Variants in PKHD1 observed in about 807,000 individuals in gnomAD.
PKHD1 encodes the protein PKHD1 ciliary IPT domain containing fibrocystin/polyductin, also known as fibrocystin.
PKHD1 carries 291 observed loss-of-function variants against 412.0 expected under a neutral mutation model. The ratio of observed to expected loss-of-function variants is 0.71; its 90% CI spans 0.64 to 0.78. The LOEUF (loss-of-function observed/expected upper bound fraction) is 0.78, where lower values mean the gene tolerates loss of function less well. Ranked by LOEUF, PKHD1 falls within the 30% of genes least tolerant of loss-of-function variation. The pLI is 0.00. For missense variants in PKHD1, 4,825 were observed against 4,950.7 expected, an observed-to-expected ratio of 0.97 and a Z score of 0.76; for synonymous variants, 1,777 against 1,821.5, an observed-to-expected ratio of 0.98 and a Z score of 0.62.
chr6:51,900,258 T>C (rs2127605964), intron 43 of PKHD1, among the ~76,000 whole-genome samples: 1 of 152,318 alleles, frequency 6.6e-6, no homozygotes, highest in African/African-American at 2.4e-5. Flanking sequence ...TCACCCTACC[T>C]GACTTCAAAC....
intron 33 of PKHD1, among the ~76,000 whole-genome samples, chr6:52,020,966 CGG>C (rs1801314906): frequency 6.6e-6 from 1 of 151,992 alleles, no homozygotes; most frequent in Non-Finnish European, 1.5e-5. Flanking sequence ...CCAGTTTCAG[CGG>C]GTTAACAGAA....
At chr6:51,636,420 G>A (rs9918312) in intron 64 of PKHD1, among the ~76,000 whole-genome samples, 44,682 of 151,820 alleles carry the variant, frequency 0.29, 6,595 homozygotes, top group Middle Eastern at 0.31. Context: ...TGGCACACAC[G>A]TCTGTAGTCC....
intron 59 of PKHD1, 60 bp from the exon 60 acceptor site, chr6:51,744,602 T>C: frequency 1.5e-6 from 2 of 1,302,338 alleles, no homozygotes; most frequent in Non-Finnish European, 2.2e-6. Flanking sequence ...GAAGAAAATA[T>C]ACATTGGTAG....
chr6:51,685,064 A>G (rs1777230792), intron 60 of PKHD1, among the ~76,000 whole-genome samples: 1 of 152,154 alleles, frequency 6.6e-6, no homozygotes, highest in Non-Finnish European at 1.5e-5. Context: ...CCTGAAATAC[A>G]TGATTTTCCA....
chr6:51,852,723 G>A (rs879083005), intron 49 of PKHD1, among the ~76,000 whole-genome samples: 1 of 145,172 alleles, frequency 6.9e-6, no homozygotes. Flanking sequence ...GACTAGGATT[G>A]CAAACCCTGT....
At position 52,058,599 on chromosome 6, in the gene PKHD1, C is replaced by G; in HGVS notation, c.1236G>C (p.Val412=). The stretch of plus-strand genomic sequence containing the variant: ...TGCCGACGCTGATGGAGGCCACTTT[C>G]ACCTATGCCCAAATAAGCATATCAT... ...FSWSEEPRTK[V]KVASISVGTA... Residue 412 remains valine, a splice_region_variant and synonymous_variant, in exon 16 of 67, where the codon GTG becomes GTC. Coordinates refer to ENST00000371117, the MANE Select transcript of PKHD1 (RefSeq NM_138694.4). 1.2e-6 allele frequency: 2 copies of G among 1,613,912 alleles called. No individual in the cohort carries two copies. Among genetic ancestry groups the G allele is most frequent in the Middle Eastern group, 1.6e-4 (1 of 6,062 alleles).
In PKHD1 at chr6:52,065,058, G is replaced by C; in HGVS notation, c.881-8C>G. 6.6e-7 allele frequency: 1 copy of C among 1,507,478 alleles called. No individual in the cohort carries two copies. The highest frequency in any genetic ancestry group is 9.1e-7 in the Non-Finnish European group (1 of 1,102,564). 93.4% of individuals were successfully genotyped at this position (1,507,478 alleles called of 1,614,324 possible). A position where few individuals can be genotyped will look rare whatever the true frequency, so the allele number is the denominator to read the frequency against. On this transcript the variant is annotated splice_region_variant and splice_polypyrimidine_tract_variant and intron_variant, in intron 12 of 66. Transcript: ENST00000371117. ...TAATATCACATGGAATGCCTAAAGC[G>C]AATTAAAGAAATTTATGTATGTGTG...
intron 52 of PKHD1, among the ~76,000 whole-genome samples, chr6:51,828,721 AC>A (rs1767746379): frequency 6.6e-6 from 1 of 152,206 alleles, no homozygotes; most frequent in African/African-American, 2.4e-5. Context: ...AATGAAAGAA[AC>A]AAGGGGAGCC....
At chr6:51,981,123 A>G (rs372190913) in intron 35 of PKHD1, among the ~76,000 whole-genome samples, 3 of 151,998 alleles carry the variant, frequency 2.0e-5, no homozygotes, top group African/African-American at 7.2e-5. Context: ...AGGAATCACT[A>G]TAAACCCTCA....
chr6:51,855,410 C>CT (rs1773105732), intron 49 of PKHD1, among the ~76,000 whole-genome samples: 1 of 151,994 alleles, frequency 6.6e-6, no homozygotes, highest in African/African-American at 2.4e-5. Flanking sequence ...ATTTGTCTCC[C>CT]TTAACCCAAT....
chr6:52,077,777 T>C (rs576552283), intron 5 of PKHD1, among the ~76,000 whole-genome samples: 2 of 152,148 alleles, frequency 1.3e-5, no homozygotes, highest in Non-Finnish European at 2.9e-5. Context: ...AATAACAATG[T>C]TGTTACTTCA....
chr6:51,837,110 CAA>C (rs1437367433), intron 50 of PKHD1, among the ~76,000 whole-genome samples: 1 of 152,158 alleles, frequency 6.6e-6, no homozygotes, highest in Non-Finnish European at 1.5e-5. Context: ...GCTCCTTTGC[CAA>C]GAGAGGCTGC....
At chr6:51,885,113 G>T (rs569607046) in intron 45 of PKHD1, among the ~76,000 whole-genome samples, 1 of 152,174 alleles carries the variant, frequency 6.6e-6, no homozygotes, top group Non-Finnish European at 1.5e-5. Context: ...TATATCTTAT[G>T]TTCCAGATTT....
intron 60 of PKHD1, among the ~76,000 whole-genome samples, chr6:51,724,481 T>C (rs1418173224): frequency 6.6e-6 from 1 of 152,222 alleles, no homozygotes; most frequent in Non-Finnish European, 1.5e-5. Flanking sequence ...GCATGCCGTT[T>C]GTCCTGTTGA....
At chr6:51,702,815 TAAAAG>T (rs747319907) in intron 60 of PKHD1, among the ~76,000 whole-genome samples, 77 of 150,664 alleles carry the variant, frequency 5.1e-4, no homozygotes, top group Non-Finnish European at 9.5e-4. Context: ...AATGCACTGT[TAAAAG>T]AGAAAGAAAA....
chr6:51,686,631 T>C (rs935565541), intron 60 of PKHD1, among the ~76,000 whole-genome samples: 5 of 152,236 alleles, frequency 3.3e-5, no homozygotes, highest in African/African-American at 1.2e-4. Flanking sequence ...TTATTATGTA[T>C]ATTACTTAGT....
intron 55 of PKHD1, among the ~76,000 whole-genome samples, chr6:51,761,037 A>G (rs2151061009): frequency 6.6e-6 from 1 of 152,180 alleles, no homozygotes; most frequent in South Asian, 2.1e-4. Flanking sequence ...GTCCTCAATA[A>G]TTAAAAATAG....
At chr6:51,900,820 T>C (rs1781129040) in intron 43 of PKHD1, among the ~76,000 whole-genome samples, 2 of 151,588 alleles carry the variant, frequency 1.3e-5, no homozygotes, top group Non-Finnish European at 2.9e-5. Flanking sequence ...CAAACAAATT[T>C]ACAAGAAAAA....
At chr6:51,910,388 G>A (rs1782763812) in intron 39 of PKHD1, among the ~76,000 whole-genome samples, 3 of 152,082 alleles carry the variant, frequency 2.0e-5, no homozygotes, top group Admixed American at 6.6e-5. Flanking sequence ...CAGAGAAGAG[G>A]TGAATGAAGA....
Sources: gnomAD v4.1 joint callset for allele counts (sites outside exome capture counted in the v4.1 genomes callset) on GRCh38, gnomAD v4.1.1 for gene constraint, MANE v1.5 for transcripts, NCBI Gene and HGNC (gene_info 2026-07-23, HGNC 2026-07-21) for gene names.